HCAR2: variants seen among roughly 807,000 people sequenced by gnomAD.
The protein encoded by HCAR2 is G protein-coupled receptor HM74a.
For synonymous variants in HCAR2, 156 were observed against 189.4 expected, an observed-to-expected ratio of 0.82 and a Z score of 1.45; for missense variants, 346 against 476.6, an observed-to-expected ratio of 0.73 and a Z score of 2.55.
In HCAR2 at chr12:122,702,953, G is replaced by C; in HGVS notation, c.331C>G (p.Arg111Gly). ...GTGAGGAAGATGATGCTGCCCTGGCGGTTCATAGCCAACATGAAGAGCATC... is the reference window on the plus strand; with the variant it reads ...GTGAGGAAGATGATGCTGCCCTGGCCGTTCATAGCCAACATGAAGAGCATC... ...RLMLFMLAMN[R>G]QGSIIFLTVV... The change falls in exon 1 of 1, where the codon CGC becomes GGC. Residue 111 changes from arginine to glycine, a missense_variant. Arg to Gly is a moderately radical substitution (Grantham distance 125). Coordinates refer to ENST00000328880, the MANE Select transcript of HCAR2 (RefSeq NM_177551.4). 6.2e-7 allele frequency: 1 copy of C among 1,614,034 alleles called. No homozygotes were observed. The highest frequency in any genetic ancestry group is 1.3e-5 in the African/African-American group (1 of 74,984).
chr12:122,702,829 C>G lies in HCAR2; in HGVS notation c.455G>C (p.Trp152Ser). The G allele has an allele frequency of 6.2e-7, 1 of 1,614,158 alleles. No homozygotes were observed. Reference protein sequence around the residue: ...RTAAIISCLLWGITIGLTVHL... With the variant: ...RTAAIISCLLSGITIGLTVHL... ...GACTGTCAGGCCAATAGTGATGCCCCACAGAAGGCAAGAGATGATGGCTGC... is the reference window on the plus strand; with the variant it reads ...GACTGTCAGGCCAATAGTGATGCCCGACAGAAGGCAAGAGATGATGGCTGC... The change falls in exon 1 of 1, where the codon TGG (tryptophan) becomes TCG (serine). Residue 152 changes from tryptophan (W) to serine (S), a missense_variant. Coordinates refer to ENST00000328880, the MANE Select transcript of HCAR2 (RefSeq NM_177551.4).
chr12:122,702,208 C>A lies in HCAR2; in HGVS notation c.1076G>T (p.Gly359Val). Residue 359 changes from glycine (G) to valine (V), a missense_variant, in exon 1 of 1, where the codon GGC (glycine) becomes GTC (valine). By Grantham distance (109) the Gly-to-Val change is moderately radical. Transcript: ENST00000328880. ...SGEPWSPSYL[G>V]PTSP The stretch of plus-strand genomic sequence containing the variant: ...CATGGTTATTTAAGGAGAGGTTGGG[C>A]CCAGATAAGAGGGGCTCCATGGCTC... 4 of 1,614,196 alleles carry A rather than the reference C, an allele frequency of 2.5e-6. No homozygotes were observed. The highest frequency in any genetic ancestry group is 2.5e-6 in the Non-Finnish European group (3 of 1,180,046).
In HCAR2 at chr12:122,702,414, G is replaced by A. The variant is rs532420349; in HGVS notation, c.870C>T (p.Asp290=). The A allele has an allele frequency of 5.8e-5, 94 of 1,614,178 alleles. No individual in the cohort carries two copies. The Admixed American group carries it at 1.1e-3, about 19-fold the overall frequency. ...GGCTGGAGAAGTAGTACACCACGGG[G>A]TCCAGCATGCTGTTCATGTAGGTGA... ...LSFTYMNSML[D]PVVYYFSSPS... Residue 290 remains aspartate, a synonymous_variant, in exon 1 of 1, where the codon GAC becomes GAT. Transcript: ENST00000328880.
rs202231409 is a variant in HCAR2, at chr12:122,702,202, G to A, written c.1082C>T (p.Thr361Ile). The change falls in exon 1 of 1, where the codon ACC (threonine) becomes ATC (isoleucine). Residue 361 changes from threonine (T) to isoleucine (I), a missense_variant. Physicochemically the swap from Thr to Ile is moderately conservative, Grantham distance 89. Transcript: ENST00000328880. ...TCTTGGCATGGTTATTTAAGGAGAG[G>A]TTGGGCCCAGATAAGAGGGGCTCCA... ...EPWSPSYLGP[T>I]SP 6.2e-7 allele frequency: 1 copy of A among 1,614,188 alleles called. No homozygotes were observed. The highest frequency in any genetic ancestry group is 1.3e-5 in the African/African-American group (1 of 75,048).
In HCAR2 at chr12:122,702,529, A is replaced by T; in HGVS notation, c.755T>A (p.Ile252Asn). Residue 252 changes from isoleucine (I) to asparagine (N), a missense_variant, in exon 1 of 1, where the codon ATC becomes AAC. Physicochemically the swap from Ile to Asn is moderately radical, Grantham distance 149. Transcript: ENST00000328880. ...AGTGTGCAGGAGCCAGAAGATGCGG[A>T]TCCGCACAACCACGCTGGGAAGGAA... is the stretch of plus-strand genomic sequence containing the variant. ...ICFLPSVVVR[I>N]RIFWLLHTSG... 6.2e-7 allele frequency: 1 copy of T among 1,614,192 alleles called. No individual in the cohort carries two copies. Among genetic ancestry groups the T allele is most frequent in the African/African-American group, 1.3e-5 (1 of 75,072 alleles).
rs755870982 is a variant in HCAR2 at position 122,702,854 on chromosome 12, C to G, written c.430G>C (p.Ala144Pro). 3.1e-6 allele frequency: 5 copies of G among 1,614,176 alleles called. No homozygotes were observed. Among genetic ancestry groups the G allele is most frequent in the East Asian group, 4.5e-5 (2 of 44,890 alleles). ...CACAGAAGGCAAGAGATGATGGCTG[C>G]TGTCCGATTGGAGATCTTGTTCAGG... is the stretch of plus-strand genomic sequence containing the variant. ...HALNKISNRT[A>P]AIISCLLWGI... Residue 144 changes from alanine (A) to proline (P), a missense_variant, in exon 1 of 1, where the codon GCA (alanine) becomes CCA (proline). Coordinates refer to ENST00000328880, the MANE Select transcript of HCAR2 (RefSeq NM_177551.4).
In HCAR2 at chr12:122,703,268, G is replaced by T; in HGVS notation, c.16C>A (p.Leu6Met). The T allele has an allele frequency of 1.9e-6, 3 of 1,614,052 alleles. No individual in the cohort carries two copies. Among genetic ancestry groups the T allele is most frequent in the Non-Finnish European group, 2.5e-6 (3 of 1,179,964 alleles). ...TCTATTTCCAGAAAGTGATCCTGCA[G>T]ATGGTGCCGATTCATGAGTGCGGCT... is the stretch of plus-strand genomic sequence containing the variant. MNRHH[L>M]QDHFLEIDKK... Residue 6 changes from leucine (L) to methionine (M), a missense_variant, in exon 1 of 1, where the codon CTG becomes ATG. Leu to Met is a conservative substitution (Grantham distance 15, BLOSUM62 2). Transcript: ENST00000328880.
Position 122,703,006 on chromosome 12 carries a change from C to T in HCAR2, c.278G>A (p.Trp93Ter), listed in dbSNP as rs770293961. ...LMDNYVRRWD[W>*]KFGDIPCRLM... is the part of the protein sequence containing the mutation. ...CCGGCAAGGGATGTCCCCAAACTTC[C>T]AGTCCCAACGCCTCACATAGTTGTC... Residue 93 changes from tryptophan (W) to a stop codon, truncating the protein, a stop_gained, in exon 1 of 1, where the codon TGG (tryptophan) becomes TAG (stop). Coordinates refer to ENST00000328880, the MANE Select transcript of HCAR2 (RefSeq NM_177551.4). LOFTEE classifies it low-confidence loss of function (END_TRUNC). 3.1e-6 allele frequency: 5 copies of T among 1,614,114 alleles called. No individual in the cohort carries two copies. The South Asian group carries it at 3.3e-5, about 11-fold the overall frequency.
Position 122,702,575 on chromosome 12 carries a change from C to T in HCAR2, c.709G>A (p.Ala237Thr). The change falls in exon 1 of 1, where the codon GCC becomes ACC. Residue 237 changes from alanine (A) to threonine (T), a missense_variant. By Grantham distance (58) the Ala-to-Thr change is moderately conservative (BLOSUM62 0). Coordinates refer to ENST00000328880, the MANE Select transcript of HCAR2 (RefSeq NM_177551.4). ...AGGAAGCAGATGACAAAGACGATGG[C>T]CACCACCATGATGAAGGTGATGGCT... ...KRAITFIMVV[A>T]IVFVICFLPS... The T allele has an allele frequency of 6.2e-7, 1 of 1,614,220 alleles. No homozygotes were observed. Among genetic ancestry groups the T allele is most frequent in the East Asian group, 2.2e-5 (1 of 44,892 alleles).
rs1054287236 is a variant in HCAR2, at chr12:122,701,487, A to G, written c.*705T>C. 1 of 152,726 alleles carries G rather than the reference A, an allele frequency of 6.5e-6. No individual in the cohort carries two copies. The highest frequency in any genetic ancestry group is 2.4e-5 in the African/African-American group (1 of 41,458). 9.5% of individuals were successfully genotyped at this position (152,726 alleles called of 1,614,324 possible). On this transcript the variant is annotated 3_prime_UTR_variant, in exon 1 of 1. Coordinates refer to ENST00000328880, the MANE Select transcript of HCAR2 (RefSeq NM_177551.4). ...TTAACTGCCCAACCCTTAGATTACT[A>G]TAAACAAGAGAGGAATGGATTGCAT...
Position 122,703,028 on chromosome 12 carries a change from T to G in HCAR2, c.256A>C (p.Asn86His). The G allele has an allele frequency of 6.2e-7, 1 of 1,614,042 alleles. No homozygotes were observed. Residue 86 changes from asparagine to histidine, a missense_variant, in exon 1 of 1, where the codon AAC becomes CAC. Asn to His is a moderately conservative substitution (Grantham distance 68). Transcript: ENST00000328880. The part of the protein sequence containing the change: ...LIICLPFLMD[N>H]YVRRWDWKFG... ...TTCCAGTCCCAACGCCTCACATAGT[T>G]GTCCATCAGGAAGGGCAGGCAGATG...
At position 122,702,782 on chromosome 12, in the gene HCAR2, G is replaced by A; in HGVS notation, c.502C>T (p.Pro168Ser). The A allele has an allele frequency of 6.2e-7, 1 of 1,614,188 alleles. No individual in the cohort carries two copies. The highest frequency in any genetic ancestry group is 8.5e-7 in the Non-Finnish European group (1 of 1,180,036). ...LTVHLLKKKM[P>S]IQNGGANLCS... is the part of the protein sequence containing the mutation. ...AAATTTGCACCGCCATTCTGGATCG[G>A]CATCTTCTTCTTCAGGAGGTGGACT... Residue 168 changes from proline (P) to serine (S), a missense_variant, in exon 1 of 1, where the codon CCG (proline) becomes TCG (serine). Transcript: ENST00000328880.
chr12:122,702,469 A>T lies in HCAR2; in HGVS notation c.815T>A (p.Val272Glu). The T allele has an allele frequency of 1.2e-6, 2 of 1,614,104 alleles. No individual in the cohort carries two copies. Among genetic ancestry groups the T allele is most frequent in the Non-Finnish European group, 1.7e-6 (2 of 1,179,950 alleles). Residue 272 changes from valine (V) to glutamate (E), a missense_variant, in exon 1 of 1, where the codon GTG becomes GAG. Coordinates refer to ENST00000328880, the MANE Select transcript of HCAR2 (RefSeq NM_177551.4). ...GAGAGTGATAAAGAACGCCAGGTCC[A>T]CCGAGCGGTACACTTCACAATTCTG... ...GTQNCEVYRSVDLAFFITLSF... is the reference protein window; with the variant it reads ...GTQNCEVYRSEDLAFFITLSF...
chr12:122,701,984 T>A lies in HCAR2; in HGVS notation c.*208A>T. On this transcript the variant is annotated 3_prime_UTR_variant, in exon 1 of 1. Transcript: ENST00000328880. ...AAAAGTTTCAGATGCCTAGAAGCTTTACTCTCTATTCCTCCAGGATTCCTG... is the reference window on the plus strand; with the variant it reads ...AAAAGTTTCAGATGCCTAGAAGCTTAACTCTCTATTCCTCCAGGATTCCTG... 1 of 971,230 alleles carries A rather than the reference T, an allele frequency of 1.0e-6. No individual in the cohort carries two copies. Among genetic ancestry groups the A allele is most frequent in the Non-Finnish European group, 1.5e-6 (1 of 646,824 alleles). The allele number at this position is 971,230 out of a possible 1,614,324, so 60.2% of individuals were successfully genotyped here. A position where few individuals can be genotyped will look rare whatever the true frequency, so the allele number is the denominator to read the frequency against.
In HCAR2 at chr12:122,702,266, C is replaced by T. The variant is rs201998198; in HGVS notation, c.1018G>A (p.Gly340Ser). The change falls in exon 1 of 1, where the codon GGC becomes AGC. Residue 340 changes from glycine (G) to serine (S), a missense_variant. Transcript: ENST00000328880. ...ELTGDPNKTR[G>S]APEALMANSG... ...TTGGCCATTAACGCCTCTGGAGCGC[C>T]TCTGGTTTTGTTGGGGTCCCCTGTG... is the stretch of plus-strand genomic sequence containing the variant. 4 of 1,614,230 alleles carry T rather than the reference C, an allele frequency of 2.5e-6. No individual in the cohort carries two copies. The highest frequency in any genetic ancestry group is 3.4e-6 in the Non-Finnish European group (4 of 1,180,050).
rs766970337 is a variant in HCAR2, at chr12:122,702,747, G to C, written c.537C>G (p.Ser179Arg). ...ACTGGAAGGTATGGCAGATGCTGAAGCTGCTGCACAAATTTGCACCGCCAT... is the reference window on the plus strand; with the variant it reads ...ACTGGAAGGTATGGCAGATGCTGAACCTGCTGCACAAATTTGCACCGCCAT... The part of the protein sequence containing the change: ...IQNGGANLCS[S>R]FSICHTFQWH... Residue 179 changes from serine to arginine, a missense_variant, in exon 1 of 1, where the codon AGC (serine) becomes AGG (arginine). Coordinates refer to ENST00000328880, the MANE Select transcript of HCAR2 (RefSeq NM_177551.4). 6.2e-7 allele frequency: 1 copy of C among 1,614,196 alleles called. No individual in the cohort carries two copies. The highest frequency in any genetic ancestry group is 8.5e-7 in the Non-Finnish European group (1 of 1,180,036).
chr12:122,703,021 A>G lies in HCAR2; in HGVS notation c.263T>C (p.Val88Ala), dbSNP rs201453681. 6.2e-7 allele frequency: 1 copy of G among 1,614,144 alleles called. No homozygotes were observed. Among genetic ancestry groups the G allele is most frequent in the Non-Finnish European group, 8.5e-7 (1 of 1,180,020 alleles). The change falls in exon 1 of 1, where the codon GTG (valine) becomes GCG (alanine). Residue 88 changes from valine to alanine, a missense_variant. By Grantham distance (64) the Val-to-Ala change is moderately conservative (BLOSUM62 0). Coordinates refer to ENST00000328880, the MANE Select transcript of HCAR2 (RefSeq NM_177551.4). ...CCCAAACTTCCAGTCCCAACGCCTCACATAGTTGTCCATCAGGAAGGGCAG... is the reference window on the plus strand; with the variant it reads ...CCCAAACTTCCAGTCCCAACGCCTCGCATAGTTGTCCATCAGGAAGGGCAG... ...ICLPFLMDNY[V>A]RRWDWKFGDI...
In HCAR2 at chr12:122,703,167, G is replaced by C. The variant is rs1877133879; in HGVS notation, c.117C>G (p.Ile39Met). 2 of 1,614,052 alleles carry C rather than the reference G, an allele frequency of 1.2e-6. No homozygotes were observed. Among genetic ancestry groups the C allele is most frequent in the Middle Eastern group, 1.6e-4 (1 of 6,084 alleles). The change falls in exon 1 of 1, where the codon ATC becomes ATG. Residue 39 changes from isoleucine (I) to methionine (M), a missense_variant. Ile to Met is a conservative substitution (Grantham distance 10). Coordinates refer to ENST00000328880, the MANE Select transcript of HCAR2 (RefSeq NM_177551.4). ...VLPPVLGLEF[I>M]FGLLGNGLAL... ...CAAGGCCATTGCCCAGAAGCCCGAA[G>C]ATAAACTCCAGCCCCAACACCGGCG... is the stretch of plus-strand genomic sequence containing the variant.
rs676770 is a variant in HCAR2, at chr12:122,702,724, T to A, written c.560A>T (p.Gln187Leu). Residue 187 changes from glutamine to leucine, a missense_variant, in exon 1 of 1, where the codon CAG (glutamine) becomes CTG (leucine). Physicochemically the swap from Gln to Leu is moderately radical, Grantham distance 113. Coordinates refer to ENST00000328880, the MANE Select transcript of HCAR2 (RefSeq NM_177551.4). ...CSSFSICHTFQWHEAMFLLEF... is the reference protein window; with the variant it reads ...CSSFSICHTFLWHEAMFLLEF... ...CAGGAGGAACATGGCTTCGTGCCACTGGAAGGTATGGCAGATGCTGAAGCT... is the reference window on the plus strand; with the variant it reads ...CAGGAGGAACATGGCTTCGTGCCACAGGAAGGTATGGCAGATGCTGAAGCT... The A allele has an allele frequency of 6.2e-7, 1 of 1,614,102 alleles. No individual in the cohort carries two copies. Among genetic ancestry groups the A allele is most frequent in the South Asian group, 1.1e-5 (1 of 91,064 alleles).
Sources: gnomAD v4.1 joint callset for allele counts on GRCh38, gnomAD v4.1.1 for gene constraint, MANE v1.5 for transcripts, NCBI Gene and HGNC (gene_info 2026-07-23, HGNC 2026-07-21) for gene names.